GAN: variants seen among roughly 807,000 people sequenced by gnomAD.
GAN encodes the protein epididymis secretory sperm binding protein.
In GAN, 48 loss-of-function variants were observed where a neutral mutation model predicts 71.3. That is an observed-to-expected ratio of 0.67 (90% CI 0.53 to 0.86). The LOEUF (loss-of-function observed/expected upper bound fraction) is 0.86, where lower values mean the gene tolerates loss of function less well. Ranked by LOEUF, GAN falls within the 40% of genes least tolerant of loss-of-function variation. GAN has a pLI of 0.00. For synonymous variants in GAN, 386 were observed against 276.8 expected (o/e 1.39, Z -3.92); for missense variants, 928 against 770.1 (o/e 1.21, Z -2.43).
chr16:81,365,000 G>C lies in GAN; in HGVS notation c.1263G>C (p.Lys421Asn). The C allele has an allele frequency of 6.2e-7, 1 of 1,614,024 alleles. No homozygotes were observed. The highest frequency in any genetic ancestry group is 8.5e-7 in the Non-Finnish European group (1 of 1,179,918). Residue 421 changes from lysine to asparagine, a missense_variant, in exon 8 of 11, where the codon AAG becomes AAC. Transcript: ENST00000648994. ...TCGGCTGCTATGCAGCTATGAAAAA[G>C]AAAATCTACGCCATGGGTGGAGGCT... Reference protein sequence around the residue: ...RKIGCYAAMKKKIYAMGGGSY... With the variant: ...RKIGCYAAMKNKIYAMGGGSY...
At chr16:81,327,135 GAAGAA>G (rs1428944503) in intron 1 of GAN, among the ~76,000 whole-genome samples, 7 of 152,244 alleles carry the variant, frequency 4.6e-5, no homozygotes, top group Non-Finnish European at 5.9e-5. Flanking sequence ...AAAGCTGAGA[GAAGAA>G]GAGACCGAAT....
chr16:81,384,633 A>G lies in GAN; in HGVS notation c.*7037A>G, dbSNP rs1395283264. The stretch of plus-strand genomic sequence containing the variant: ...CCAGAAATCTTTAATTTTGATGAAA[A>G]TCTACTCATTGCTAAGATCCTCCTC... On this transcript the variant is annotated 3_prime_UTR_variant, in exon 11 of 11. Transcript: ENST00000648994. 1.3e-5 allele frequency: 2 copies of G among 152,130 alleles called. No homozygotes were observed. Among genetic ancestry groups the G allele is most frequent in the Non-Finnish European group, 2.9e-5 (2 of 68,042 alleles). 9.4% of individuals were successfully genotyped at this position (152,130 alleles called of 1,614,324 possible).
intron 2 of GAN, among the ~76,000 whole-genome samples, chr16:81,353,601 C>A (rs563925362): frequency 6.6e-6 from 1 of 152,256 alleles, no homozygotes; most frequent in African/African-American, 2.4e-5. Context: ...CTATACTCCT[C>A]ATGAAGTCTC....
rs904187523 is a variant in GAN at position 81,382,309 on chromosome 16, A to G, written c.*4713A>G. On this transcript the variant is annotated 3_prime_UTR_variant, in exon 11 of 11. Transcript: ENST00000648994. Reference sequence around the variant, plus strand: ...GGCATACAAGTATTTTTAGTAATAGAATAATCATTTTTAGTATTAATACAA... The same window carrying G: ...GGCATACAAGTATTTTTAGTAATAGGATAATCATTTTTAGTATTAATACAA... 6.6e-6 allele frequency: 1 copy of G among 152,188 alleles called. No individual in the cohort carries two copies. 9.4% of individuals were successfully genotyped at this position (152,188 alleles called of 1,614,324 possible).
At chr16:81,322,969 A>G (rs567767410) in intron 1 of GAN, among the ~76,000 whole-genome samples, 147 of 152,330 alleles carry the variant, frequency 9.7e-4, no homozygotes, top group African/African-American at 3.3e-3. Context: ...ATTTTGAAGG[A>G]CAATGAAAAT....
In GAN at chr16:81,381,697, C is replaced by G. The variant is rs1001191939; in HGVS notation, c.*4101C>G. On this transcript the variant is annotated 3_prime_UTR_variant, in exon 11 of 11. Transcript: ENST00000648994. ...CGGGCAAGGGCCCCGTCTTTGTCAT[C>G]TGCCAGTCTCAGTGCTTGCACAGAG... 1.3e-5 allele frequency: 2 copies of G among 152,266 alleles called. No individual in the cohort carries two copies. Among genetic ancestry groups the G allele is most frequent in the Non-Finnish European group, 2.9e-5 (2 of 68,070 alleles). 9.4% of individuals were successfully genotyped at this position (152,266 alleles called of 1,614,324 possible).
At chr16:81,356,650 C>G in intron 3 of GAN, 135 bp from the exon 4 acceptor site, 1 of 757,838 alleles carries the variant, frequency 1.3e-6, no homozygotes, top group Non-Finnish European at 2.4e-6. Flanking sequence ...TCAAGCAGCA[C>G]GAGTGTGTCT....
At chr16:81,330,809 C>G (rs1341414923) in intron 1 of GAN, among the ~76,000 whole-genome samples, 2 of 152,188 alleles carry the variant, frequency 1.3e-5, no homozygotes, top group Admixed American at 6.5e-5. Context: ...AACCAAGTGA[C>G]CAAGGTCAGC....
rs780786555 is a variant in GAN, at chr16:81,357,802, T to C, written c.852-8T>C. On this transcript the variant is annotated splice_polypyrimidine_tract_variant and splice_region_variant and intron_variant, in intron 4 of 10. Coordinates refer to ENST00000648994, the MANE Select transcript of GAN (RefSeq NM_022041.4). ...CATTAACTACTGATCACTTATTTAC[T>C]TCCTTAGTTCACGGAAACCCACAGC... 2.5e-6 allele frequency: 4 copies of C among 1,612,060 alleles called. No homozygotes were observed. The Admixed American group carries it at 5.0e-5, about 20-fold the overall frequency.
At chr16:81,352,333 C>G (rs532271132) in intron 2 of GAN, among the ~76,000 whole-genome samples, 1 of 152,334 alleles carries the variant, frequency 6.6e-6, no homozygotes, top group East Asian at 1.9e-4. Context: ...GATCAGACTT[C>G]TTTCTTTTCC....
chr16:81,332,181 AAG>A (rs1285549370), intron 1 of GAN, among the ~76,000 whole-genome samples: 3 of 152,044 alleles, frequency 2.0e-5, no homozygotes, highest in African/African-American at 4.8e-5. Context: ...AAAAAAGAAA[AAG>A]AAAAAAAAGA....
chr16:81,362,620 C>A lies in GAN; in HGVS notation c.1086+9C>A. ...TGCCACCTATGAACGAGGTAAAACA[C>A]TAGTTGGTTGGTTTGTTTGATGTGT... On this transcript the variant is annotated intron_variant, in intron 6 of 10. Transcript: ENST00000648994. 7.5e-7 allele frequency: 1 copy of A among 1,325,264 alleles called. No homozygotes were observed. Among genetic ancestry groups the A allele is most frequent in the Non-Finnish European group, 1.1e-6 (1 of 915,956 alleles). 82.1% of individuals were successfully genotyped at this position (1,325,264 alleles called of 1,614,324 possible).
At chr16:81,365,564 G>T (rs539966784) in intron 9 of GAN, 86 bp downstream of exon 9, 42 of 1,325,030 alleles carry the variant, frequency 3.2e-5, no homozygotes, top group Non-Finnish European at 4.6e-5. Context: ...TTTGTTTTCA[G>T]TCACTTTATT....
chr16:81,367,845 C>G (rs1156826752), intron 9 of GAN, among the ~76,000 whole-genome samples: 2 of 152,164 alleles, frequency 1.3e-5, no homozygotes, highest in Non-Finnish European at 2.9e-5. Context: ...GTTCTGGCCC[C>G]AGAGTCCACC....
rs759580147 is a variant in GAN, at chr16:81,377,566, C to T, written c.1764C>T (p.Gly588=). 1.9e-6 allele frequency: 3 copies of T among 1,614,180 alleles called. No individual in the cohort carries two copies. Among genetic ancestry groups the T allele is most frequent in the South Asian group, 1.1e-5 (1 of 91,086 alleles). The change falls in exon 11 of 11, where the codon GGC becomes GGT. Residue 588 remains glycine, a synonymous_variant. Transcript: ENST00000648994. ...TTTTCCGCCTGCAGCTTCAGCAAGGCTTATTCCGTATTCGTGTTCATTCCC... is the reference window on the plus strand; with the variant it reads ...TTTTCCGCCTGCAGCTTCAGCAAGGTTTATTCCGTATTCGTGTTCATTCCC... ...CKLFRLQLQQ[G]LFRIRVHSP is the part of the protein sequence containing the mutation.
In GAN at chr16:81,320,818, A is replaced by G. The variant is rs1909199309; in HGVS notation, c.167+5538A>G. ...AGGGATCTAGACTTTGTTTTTATCT[A>G]CTTACTATAAGGCGTTCCTAACAAC... On this transcript the variant is annotated intron_variant, in intron 1 of 10. Coordinates refer to ENST00000648994, the MANE Select transcript of GAN (RefSeq NM_022041.4). Among the ~76,000 whole-genome samples the G allele has an allele frequency of 2.0e-5, 3 of 152,190 alleles. No individual in the cohort carries two copies. The South Asian group carries it at 6.2e-4, about 31-fold the overall frequency.
At position 81,314,992 on chromosome 16, in the gene GAN, G is replaced by C. The variant is rs750784808; in HGVS notation, c.-122G>C. 5.9e-6 allele frequency: 5 copies of C among 851,386 alleles called. No homozygotes were observed. The highest frequency in any genetic ancestry group is 8.1e-6 in the Non-Finnish European group (5 of 614,774). The allele number at this position is 851,386 out of a possible 1,614,324, so 52.7% of individuals were successfully genotyped here. A position where few individuals can be genotyped will look rare whatever the true frequency, so the allele number is the denominator to read the frequency against. On this transcript the variant is annotated 5_prime_UTR_variant, in exon 1 of 11. Transcript: ENST00000648994. ...GCACAGGCACGTCCCGGGGGCTCCAGCTTCTGCTCAGAGCGCGGAGAGCCG... is the reference window on the plus strand; with the variant it reads ...GCACAGGCACGTCCCGGGGGCTCCACCTTCTGCTCAGAGCGCGGAGAGCCG...
intron 1 of GAN, among the ~76,000 whole-genome samples, chr16:81,343,761 C>T (rs192457339): frequency 3.7e-4 from 57 of 152,168 alleles, no homozygotes; most frequent in African/African-American, 1.2e-3. Flanking sequence ...TTGGAAGTTC[C>T]GGCCAGAGCA....
At position 81,321,063 on chromosome 16, in the gene GAN, A is replaced by G. The variant is rs144913825; in HGVS notation, c.167+5783A>G. Among the ~76,000 whole-genome samples, 1,131 of 152,340 alleles carry G rather than the reference A, an allele frequency of 7.4e-3. 14 individuals are homozygous for G. The highest frequency in any genetic ancestry group is 0.026 in the African/African-American group (1,089 of 41,580). On this transcript the variant is annotated intron_variant, in intron 1 of 10. Transcript: ENST00000648994. ...GCTTCTAAGGAAACTAAGCACTTGTAAATTTCAATTTAACACAGATTACTC... is the reference window on the plus strand; with the variant it reads ...GCTTCTAAGGAAACTAAGCACTTGTGAATTTCAATTTAACACAGATTACTC...
Sources: gnomAD v4.1 joint callset for allele counts (sites outside exome capture counted in the v4.1 genomes callset) on GRCh38, gnomAD v4.1.1 for gene constraint, MANE v1.5 for transcripts, NCBI Gene and HGNC (gene_info 2026-07-23, HGNC 2026-07-21) for gene names.